Variants in NOX4 observed in about 807,000 individuals in gnomAD.
NOX4 encodes the protein kidney oxidase-1.
NOX4 carries 69 observed loss-of-function variants against 87.6 expected under a neutral mutation model. The observed-to-expected ratio is 0.79, with a 90% confidence interval of 0.65 to 0.96. NOX4 has a LOEUF of 0.96. NOX4 is among the 40% of genes least tolerant of loss of function. NOX4 has a pLI of 0.00. For synonymous variants in NOX4, 275 were observed against 238.2 expected (o/e 1.15, Z -1.42); for missense variants, 680 against 681.5 (o/e 1.00, Z 0.02).
the NOX4 span, chr11:89,556,906 C>A: frequency 6.6e-6 from 1 of 152,038 alleles, no homozygotes; most frequent in Non-Finnish European, 1.5e-5. Context: ...CAACAATGGT[C>A]TGGGCAGAAG....
intron 7 of NOX4, among the ~76,000 whole-genome samples, chr11:89,422,414 A>G (rs906786380): frequency 7.2e-5 from 11 of 152,280 alleles, no homozygotes; most frequent in African/African-American, 1.9e-4. Context: ...AAAGAGATAA[A>G]TGAAATAGAT....
chr11:89,403,038 T>A (rs1388293545), intron 8 of NOX4, among the ~76,000 whole-genome samples: 1 of 152,186 alleles, frequency 6.6e-6, no homozygotes, highest in African/African-American at 2.4e-5. Flanking sequence ...GAACTGGAAG[T>A]TTGTCTCTCC....
intron 1 of NOX4, 127 bp downstream of exon 1, chr11:89,491,063 A>G: frequency 1.1e-6 from 1 of 894,880 alleles, no homozygotes; most frequent in Non-Finnish European, 1.8e-6. Flanking sequence ...AAAGTTTTGT[A>G]AGTTGAGAAT....
intron 5 of NOX4, among the ~76,000 whole-genome samples, chr11:89,440,997 G>A (rs748335515): frequency 6.6e-6 from 1 of 152,148 alleles, no homozygotes; most frequent in East Asian, 1.9e-4. Context: ...CTACAAGCTG[G>A]TGGCACTGGT....
At chr11:89,415,923 G>T (rs1773387441) in intron 8 of NOX4, among the ~76,000 whole-genome samples, 1 of 152,088 alleles carries the variant, frequency 6.6e-6, no homozygotes, top group Non-Finnish European at 1.5e-5. Context: ...AATCTCTAAA[G>T]TGAGACAAAG....
the NOX4 span, among the ~76,000 whole-genome samples, chr11:89,588,217 G>T: frequency 2.0e-5 from 3 of 152,150 alleles, no homozygotes. Context: ...TTCAAATAAA[G>T]TTATGTTCAT....
the NOX4 span, among the ~76,000 whole-genome samples, chr11:89,541,084 G>A: frequency 3.9e-5 from 6 of 152,038 alleles, no homozygotes; most frequent in Admixed American, 3.9e-4. Context: ...AACTTTTGTT[G>A]ACTGGAAACT....
intron 12 of NOX4, among the ~76,000 whole-genome samples, chr11:89,367,396 A>C (rs1196594237): frequency 6.6e-6 from 1 of 152,122 alleles, no homozygotes; most frequent in African/African-American, 2.4e-5. Flanking sequence ...CTCTTTTTGT[A>C]CACTAACTCT....
rs1191326381 is a variant in NOX4 at position 89,357,013 on chromosome 11, C to A, written c.1136-1970G>T. On this transcript the variant is annotated intron_variant, in intron 12 of 17. Coordinates refer to ENST00000263317, the MANE Select transcript of NOX4 (RefSeq NM_016931.5). Reference sequence around the variant, plus strand: ...CCAGCTGCAGTAAATCCTTCACTAACTGAAGGTGAGCATTTCCACAAAATG... The same window carrying A: ...CCAGCTGCAGTAAATCCTTCACTAAATGAAGGTGAGCATTTCCACAAAATG... Among the ~76,000 whole-genome samples, 4 of 152,118 alleles carry A rather than the reference C, an allele frequency of 2.6e-5. No individual in the cohort carries two copies. The East Asian group carries it at 7.7e-4, about 29-fold the overall frequency.
the NOX4 span, among the ~76,000 whole-genome samples, chr11:89,511,613 T>A: frequency 6.6e-6 from 1 of 152,004 alleles, no homozygotes; most frequent in Non-Finnish European, 1.5e-5. Flanking sequence ...CAAATATCTG[T>A]GCGTCAGAAA....
chr11:89,499,434 A>G (rs1946994628), upstream of NOX4, among the ~76,000 whole-genome samples: 1 of 152,212 alleles, frequency 6.6e-6, no homozygotes, highest in Non-Finnish European at 1.5e-5. Context: ...CTAATTGCCA[A>G]CAGTGTGGCA....
chr11:89,500,453 A>G (rs1947004991), upstream of NOX4, among the ~76,000 whole-genome samples: 1 of 152,156 alleles, frequency 6.6e-6, no homozygotes, highest in African/African-American at 2.4e-5. Context: ...GTTCTCCATC[A>G]TTCTGCTCTT....
At chr11:89,349,306 A>ATAAAG (rs1946353186) in intron 13 of NOX4, among the ~76,000 whole-genome samples, 1 of 151,618 alleles carries the variant, frequency 6.6e-6, no homozygotes, top group Admixed American at 6.6e-5. Context: ...ATAAAATAAA[A>ATAAAG]TAAAATAAAA....
intron 8 of NOX4, among the ~76,000 whole-genome samples, chr11:89,407,611 G>T (rs1248121635): frequency 6.6e-6 from 1 of 151,854 alleles, no homozygotes; most frequent in East Asian, 1.9e-4. Flanking sequence ...CCCTCAAGAG[G>T]CATTATAATT....
intron 2 of NOX4, among the ~76,000 whole-genome samples, chr11:89,476,089 G>T (rs1168408248): frequency 6.6e-6 from 1 of 152,112 alleles, no homozygotes; most frequent in Non-Finnish European, 1.5e-5. Context: ...GCTCATTAGG[G>T]TTGGTACAAG....
chr11:89,380,116 G>A (rs1298144340), intron 11 of NOX4, among the ~76,000 whole-genome samples: 2 of 152,190 alleles, frequency 1.3e-5, no homozygotes, highest in Non-Finnish European at 2.9e-5. Flanking sequence ...GCATATGGAT[G>A]TATCAACAAG....
At chr11:89,333,798 T>C (rs1374128226) in intron 17 of NOX4, among the ~76,000 whole-genome samples, 1 of 151,764 alleles carries the variant, frequency 6.6e-6, no homozygotes, top group Non-Finnish European at 1.5e-5. Context: ...TTCCTAAGTA[T>C]GCTACATAAA....
At chr11:89,327,926 C>T (rs375001914) in intron 17 of NOX4, among the ~76,000 whole-genome samples, 120 of 152,188 alleles carry the variant, frequency 7.9e-4, no homozygotes, top group African/African-American at 2.7e-3. Flanking sequence ...TAAGTATTTT[C>T]GGACACTGAA....
intron 17 of NOX4, among the ~76,000 whole-genome samples, chr11:89,331,455 GC>G (rs886898887): frequency 6.6e-6 from 1 of 151,484 alleles, no homozygotes; most frequent in Non-Finnish European, 1.5e-5. Flanking sequence ...CCCAAAGTGA[GC>G]AAAAGAAATA....
Sources: allele counts gnomAD v4.1 joint callset (sites outside exome capture counted in the v4.1 genomes callset), GRCh38; gene constraint gnomAD v4.1.1; transcripts MANE v1.5; gene names NCBI Gene and HGNC (gene_info 2026-07-23, HGNC 2026-07-21).